The following ZMYND11 variants were observed in gnomAD, a reference collection of about 807,000 sequenced individuals.
ZMYND11 encodes zinc finger MYND domain-containing protein 11.
ZMYND11 carries 9 observed loss-of-function variants against 84.9 expected under a neutral mutation model. The ratio of observed to expected loss-of-function variants is 0.11; its 90% CI spans 0.06 to 0.18. ZMYND11 has a LOEUF of 0.18. Ranked by LOEUF, ZMYND11 falls within the 10% of genes least tolerant of loss-of-function variation. ZMYND11 has a pLI of 1.00. For missense variants in ZMYND11, 409 were observed against 761.0 expected (o/e 0.54, Z 5.44); for synonymous variants, 250 against 244.1 (o/e 1.02, Z -0.23).
chr10:179,880 A>T, intron 1 of ZMYND11, 114 bp from the exon 2 acceptor site: 1 of 558,230 alleles, frequency 1.8e-6, no homozygotes, highest in Non-Finnish European at 3.1e-6. Flanking sequence ...AGTGGGCAAT[A>T]CTACATACTA....
chr10:205,979 G>C lies in ZMYND11; in HGVS notation c.117-3910G>C, dbSNP rs562428160. On this transcript the variant is annotated intron_variant, in intron 2 of 14. Coordinates refer to ENST00000381604, the MANE Select transcript of ZMYND11 (RefSeq NM_001370100.5). ...TGGACCTATTAAAGGTGTTTTTTTGGTGTCAGGATAAATCAATAGACCTGT... is the reference window on the plus strand; with the variant it reads ...TGGACCTATTAAAGGTGTTTTTTTGCTGTCAGGATAAATCAATAGACCTGT... Among the ~76,000 whole-genome samples, 387 of 148,064 alleles carry C rather than the reference G, an allele frequency of 2.6e-3. 2 individuals are homozygous for C. Among genetic ancestry groups the C allele is most frequent in the Non-Finnish European group, 4.8e-3 (325 of 67,250 alleles).
rs797044854 is a variant in ZMYND11, at chr10:252,459, C to A, written c.1798C>A (p.Arg600=). ...CGCGGAGCACAAGCGCACCTGCCGC[C>A]GGAAAAGATGAAGCTGGCCCTTCCC... is the stretch of plus-strand genomic sequence containing the variant. ...WHAEHKRTCR[R]KR Residue 600 remains arginine, a synonymous_variant, in exon 15 of 15, where the codon CGG becomes AGG. Coordinates refer to ENST00000381604, the MANE Select transcript of ZMYND11 (RefSeq NM_001370100.5). This position sits in a 1 kb window ranked among gnomAD's most constrained non-coding sequence, Gnocchi z 4.6. 3 of 1,611,566 alleles carry A rather than the reference C, an allele frequency of 1.9e-6. No homozygotes were observed. The African/African-American group carries it at 4.0e-5, about 22-fold the overall frequency.
chr10:208,047 A>G (rs1358132799), intron 2 of ZMYND11, among the ~76,000 whole-genome samples: 2 of 152,180 alleles, frequency 1.3e-5, no homozygotes, highest in African/African-American at 4.8e-5. Context: ...GCAATGGGGA[A>G]AGGATTCCTT....
At chr10:217,723 C>A (rs562546813) in intron 3 of ZMYND11, among the ~76,000 whole-genome samples, 1 of 152,058 alleles carries the variant, frequency 6.6e-6, no homozygotes, top group Non-Finnish European at 1.5e-5. Context: ...GGACTGTCTG[C>A]GTATTGACTC....
chr10:150,312 G>A (rs1267853335), intron 1 of ZMYND11, among the ~76,000 whole-genome samples: 10 of 152,158 alleles, frequency 6.6e-5, no homozygotes, highest in South Asian at 4.1e-4. Flanking sequence ...TCTATTCAGG[G>A]ATTCAGCTTC....
chr10:223,982 A>G (rs1947624924), intron 4 of ZMYND11, among the ~76,000 whole-genome samples: 2 of 152,136 alleles, frequency 1.3e-5, no homozygotes, highest in Admixed American at 1.3e-4. Context: ...ATATGGATTA[A>G]TTAGATATGT....
intron 4 of ZMYND11, among the ~76,000 whole-genome samples, chr10:228,743 T>C (rs910129050): frequency 6.6e-6 from 1 of 152,220 alleles, no homozygotes; most frequent in South Asian, 2.1e-4. Context: ...ACTAGTGTTA[T>C]GTAGAAGGGG....
intron 1 of ZMYND11, among the ~76,000 whole-genome samples, chr10:142,616 T>C (rs1244106902): frequency 3.3e-5 from 5 of 152,238 alleles, no homozygotes; most frequent in Admixed American, 2.0e-4. Context: ...GCTATGCTAC[T>C]CTGTCTCCCT....
chr10:206,440 T>C (rs1944188609), intron 2 of ZMYND11, among the ~76,000 whole-genome samples: 1 of 152,214 alleles, frequency 6.6e-6, no homozygotes, highest in South Asian at 2.1e-4. Flanking sequence ...CAGTTGACTT[T>C]TTTGTGAACT....
At chr10:172,087 G>T (rs577459836) in intron 1 of ZMYND11, among the ~76,000 whole-genome samples, 2 of 152,132 alleles carry the variant, frequency 1.3e-5, no homozygotes. Flanking sequence ...GGCCAGGCAC[G>T]TCTCTGAAGC....
intron 1 of ZMYND11, among the ~76,000 whole-genome samples, chr10:167,775 A>T (rs1317414655): frequency 6.6e-6 from 1 of 152,052 alleles, no homozygotes; most frequent in Non-Finnish European, 1.5e-5. Flanking sequence ...ATTATTATAG[A>T]CTAGATTAAT....
chr10:150,806 C>A (rs192425034), intron 1 of ZMYND11, among the ~76,000 whole-genome samples: 2 of 152,306 alleles, frequency 1.3e-5, no homozygotes, highest in Non-Finnish European at 1.5e-5. Context: ...TCCCTAACTC[C>A]CAAGTAGCCA....
chr10:225,318 A>G (rs1235843874), intron 4 of ZMYND11, among the ~76,000 whole-genome samples: 1 of 151,456 alleles, frequency 6.6e-6, no homozygotes, highest in Non-Finnish European at 1.5e-5. Flanking sequence ...TGCCTATTTG[A>G]TAAGATGAAT....
At chr10:207,408 C>T (rs1223422620) in intron 2 of ZMYND11, among the ~76,000 whole-genome samples, 8 of 152,198 alleles carry the variant, frequency 5.3e-5, no homozygotes, top group Non-Finnish European at 7.3e-5. Flanking sequence ...CCTGGGGAAT[C>T]GCCACACTGT....
chr10:212,298 A>G (rs896233230), intron 3 of ZMYND11, among the ~76,000 whole-genome samples: 10 of 152,214 alleles, frequency 6.6e-5, no homozygotes, highest in Admixed American at 3.9e-4. Flanking sequence ...TATTTATAGA[A>G]TCATCCTTTT....
At chr10:205,616 G>A (rs1943979198) in intron 2 of ZMYND11, among the ~76,000 whole-genome samples, 1 of 152,084 alleles carries the variant, frequency 6.6e-6, no homozygotes, top group Non-Finnish European at 1.5e-5. Context: ...CTTGAGGATG[G>A]GAGGTCAAGC....
At chr10:186,340 G>T (rs1938423940) in intron 2 of ZMYND11, among the ~76,000 whole-genome samples, 1 of 151,638 alleles carries the variant, frequency 6.6e-6, no homozygotes, top group Non-Finnish European at 1.5e-5. Flanking sequence ...GACTTGGGTT[G>T]CAGTTTAAAA....
intron 3 of ZMYND11, among the ~76,000 whole-genome samples, chr10:215,712 C>T (rs561661745): frequency 1.6e-4 from 25 of 152,086 alleles, no homozygotes; most frequent in Non-Finnish European, 3.5e-4. Flanking sequence ...CATGCACTAC[C>T]ACACCCAGCT....
At chr10:158,991 G>GTTTTTTTTTTTTT (rs71374342) in intron 1 of ZMYND11, among the ~76,000 whole-genome samples, 3 of 58,602 alleles carry the variant, frequency 5.1e-5, no homozygotes, top group Admixed American at 2.6e-4. Flanking sequence ...TTTGTTTTTT[G>GTTTTTTTTTTTTT]TTTTTTTTTT....
Sources: allele counts gnomAD v4.1 joint callset (sites outside exome capture counted in the v4.1 genomes callset), GRCh38; gene constraint gnomAD v4.1.1; non-coding constraint Gnocchi (gnomAD v3.1); transcripts MANE v1.5; gene names NCBI Gene and HGNC (gene_info 2026-07-23, HGNC 2026-07-21).